PACRG: variants seen among roughly 807,000 people sequenced by gnomAD.
PACRG encodes the protein parkin coregulated.
A neutral mutation model predicts 29.7 loss-of-function variants in PACRG; 29 were observed. The ratio of observed to expected loss-of-function variants is 0.98; its 90% CI spans 0.73 to 1.33. The LOEUF (loss-of-function observed/expected upper bound fraction) is 1.33, where lower values mean the gene tolerates loss of function less well. PACRG is among the 40% of genes most tolerant of loss of function. PACRG has a pLI of 0.00. For synonymous variants in PACRG, 116 were observed against 118.7 expected, an observed-to-expected ratio of 0.98 and a Z score of 0.15; for missense variants, 279 against 316.2, an observed-to-expected ratio of 0.88 and a Z score of 0.89.
At chr6:163,138,287 T>G (rs1322716251) in intron 4 of PACRG, among the ~76,000 whole-genome samples, 1 of 152,182 alleles carries the variant, frequency 6.6e-6, no homozygotes, top group Non-Finnish European at 1.5e-5. Context: ...ACAAATGGGC[T>G]CCTGAAGAAT....
intron 1 of PACRG, among the ~76,000 whole-genome samples, chr6:162,791,550 T>C (rs964358772): frequency 6.6e-6 from 1 of 152,192 alleles, no homozygotes; most frequent in Non-Finnish European, 1.5e-5. Flanking sequence ...CTATTTGCCT[T>C]GTTCACTCCT....
chr6:162,783,343 G>GA (rs1364510377), intron 1 of PACRG, among the ~76,000 whole-genome samples: 2 of 151,764 alleles, frequency 1.3e-5, no homozygotes, highest in East Asian at 1.9e-4. Flanking sequence ...ACCATTGACT[G>GA]AAAAAATGAA....
chr6:163,088,848 G>T (rs1036839619), intron 3 of PACRG, among the ~76,000 whole-genome samples: 2 of 152,042 alleles, frequency 1.3e-5, no homozygotes, highest in African/African-American at 4.8e-5. Context: ...CATGTTAATG[G>T]TTTTAAGAAT....
intron 2 of PACRG, among the ~76,000 whole-genome samples, chr6:163,031,446 G>A (rs1345800289): frequency 2.0e-5 from 3 of 152,124 alleles, no homozygotes; most frequent in Non-Finnish European, 4.4e-5. Context: ...GAATAAGCAC[G>A]GTTAGCCTAA....
intron 2 of PACRG, among the ~76,000 whole-genome samples, chr6:162,972,574 G>A (rs778980423): frequency 1.3e-5 from 2 of 152,138 alleles, no homozygotes; most frequent in Non-Finnish European, 2.9e-5. Context: ...CAATCTCAGT[G>A]CATCCCGGCA....
At position 163,246,476 on chromosome 6, in the gene PACRG, A is replaced by G. The variant is rs188837694; in HGVS notation, c.614-68351A>G. Among the ~76,000 whole-genome samples, 248 of 151,722 alleles carry G rather than the reference A, an allele frequency of 1.6e-3. 1 individual carries two copies. Among genetic ancestry groups the G allele is most frequent in the African/African-American group, 5.8e-3 (241 of 41,350 alleles). On this transcript the variant is annotated intron_variant, in intron 4 of 4. Coordinates refer to ENST00000366888, the MANE Select transcript of PACRG (RefSeq NM_001080379.2). ...AGGCTCAGGCACACTCTATCCCCTC[A>G]CTCTGTTTTCTTCTTCATAATATTT... is the stretch of plus-strand genomic sequence containing the variant.
chr6:163,135,185 A>AT (rs10568609), intron 4 of PACRG, among the ~76,000 whole-genome samples: 3,553 of 143,550 alleles, frequency 0.025, 185 homozygotes, highest in East Asian at 0.23. Flanking sequence ...TAGTTAAGTC[A>AT]TTTTTTTTTT....
At position 163,303,165 on chromosome 6, in the gene PACRG, T is replaced by C. The variant is rs114363649; in HGVS notation, c.614-11662T>C. On this transcript the variant is annotated intron_variant, in intron 4 of 4. Coordinates refer to ENST00000366888, the MANE Select transcript of PACRG (RefSeq NM_001080379.2). Reference sequence around the variant, plus strand: ...GGGCAACATGGCAAAACCCCATCTCTACAAAGATAAAAAAATTAACCAGGC... The same window carrying C: ...GGGCAACATGGCAAAACCCCATCTCCACAAAGATAAAAAAATTAACCAGGC... Among the ~76,000 whole-genome samples, 1,149 of 152,128 alleles carry C rather than the reference T, an allele frequency of 7.6e-3. 8 individuals carry two copies. Among genetic ancestry groups the C allele is most frequent in the African/African-American group, 0.027 (1,102 of 41,500 alleles).
chr6:163,013,110 ATAT>A (rs1805766126), intron 2 of PACRG, among the ~76,000 whole-genome samples: 1 of 151,912 alleles, frequency 6.6e-6, no homozygotes, highest in Non-Finnish European at 1.5e-5. Context: ...TATATTATTA[ATAT>A]TATGTTTTCC....
chr6:163,129,179 G>C (rs187015768), intron 4 of PACRG, among the ~76,000 whole-genome samples: 2 of 152,134 alleles, frequency 1.3e-5, no homozygotes, highest in East Asian at 1.9e-4. Context: ...AAATGAGAAT[G>C]GGGGGGAAGT....
At chr6:162,749,337 C>T (rs1023529647) in intron 1 of PACRG, among the ~76,000 whole-genome samples, 4 of 152,114 alleles carry the variant, frequency 2.6e-5, no homozygotes, top group African/African-American at 9.7e-5. Flanking sequence ...AAAACTCCAC[C>T]ATGTCAGCTT....
intron 1 of PACRG, among the ~76,000 whole-genome samples, chr6:162,739,697 C>T (rs1398003925): frequency 6.6e-6 from 1 of 151,968 alleles, no homozygotes; most frequent in Non-Finnish European, 1.5e-5. Context: ...AAAAAATTAG[C>T]TGCATGTGGT....
intron 2 of PACRG, among the ~76,000 whole-genome samples, chr6:162,950,264 G>A (rs376448244): frequency 1.3e-5 from 2 of 152,128 alleles, no homozygotes; most frequent in African/African-American, 2.4e-5. Flanking sequence ...TTGGGAGGCC[G>A]AGACGGGTGG....
intron 3 of PACRG, among the ~76,000 whole-genome samples, chr6:163,070,159 T>C (rs1811909964): frequency 6.6e-6 from 1 of 152,028 alleles, no homozygotes; most frequent in Admixed American, 6.6e-5. Flanking sequence ...CAAGAAATGC[T>C]AAAGGGAGTA....
intron 2 of PACRG, among the ~76,000 whole-genome samples, chr6:162,909,554 C>CAAAA (rs562001835): frequency 0.093 from 6,472 of 69,814 alleles, 373 homozygotes; most frequent in African/African-American, 0.15. Flanking sequence ...GACTCCATCT[C>CAAAA]AAAAAAAAAA....
At chr6:162,831,754 G>A (rs1029841626) in intron 2 of PACRG, among the ~76,000 whole-genome samples, 5 of 152,096 alleles carry the variant, frequency 3.3e-5, no homozygotes, top group Non-Finnish European at 5.9e-5. Flanking sequence ...GAGAATATAC[G>A]GTGTTTAGGT....
intron 2 of PACRG, among the ~76,000 whole-genome samples, chr6:162,831,972 C>T (rs557744657): frequency 1.7e-4 from 26 of 152,258 alleles, no homozygotes; most frequent in African/African-American, 6.0e-4. Context: ...TGAATGTACA[C>T]ATGCATGTAT....
At chr6:162,782,794 T>A (rs1784190617) in intron 1 of PACRG, among the ~76,000 whole-genome samples, 1 of 151,824 alleles carries the variant, frequency 6.6e-6, no homozygotes, top group African/African-American at 2.4e-5. Flanking sequence ...AATTACTTAG[T>A]CAAAAGCTTT....
chr6:162,938,977 C>T (rs1230749931), intron 2 of PACRG, among the ~76,000 whole-genome samples: 1 of 152,048 alleles, frequency 6.6e-6, no homozygotes, highest in East Asian at 1.9e-4. Context: ...CTGACTGTTC[C>T]TTTTGCCGTG....
Sources: allele counts gnomAD v4.1 joint callset (sites outside exome capture counted in the v4.1 genomes callset), GRCh38; gene constraint gnomAD v4.1.1; transcripts MANE v1.5; gene names NCBI Gene and HGNC (gene_info 2026-07-23, HGNC 2026-07-21).